Variants in MTMR8 observed in about 807,000 individuals in gnomAD.
MTMR8 encodes the protein phosphatidylinositol-3,5-bisphosphate 3-phosphatase MTMR8.
In MTMR8, 65 loss-of-function variants were observed where a neutral mutation model predicts 39.3. That is an observed-to-expected ratio of 1.65 (90% CI 1.35 to 2.03). The LOEUF is 2.03. Ranked by LOEUF, MTMR8 falls within the 30% of genes most tolerant of loss-of-function variation. The probability of loss-of-function intolerance (pLI) is 0.00; values close to 1 mark genes in which losing one functional copy is unlikely to be tolerated. For synonymous variants in MTMR8, 245 were observed against 185.2 expected (o/e 1.32, Z -2.62); for missense variants, 777 against 538.9 (o/e 1.44, Z -4.37).
chrX:64,333,630 C>T (rs1201503653), intron 10 of MTMR8, among the ~76,000 whole-genome samples: 1 of 111,578 alleles, frequency 9.0e-6, no homozygotes, highest in Non-Finnish European at 1.9e-5. Flanking sequence ...AAATACACTT[C>T]CTCAGACCCA....
intron 1 of MTMR8, among the ~76,000 whole-genome samples, chrX:64,393,507 G>C: frequency 8.9e-6 from 1 of 111,936 alleles, no homozygotes; most frequent in South Asian, 3.8e-4. Context: ...ATCTTCCCCA[G>C]TTGTCAAAAG....
intron 12 of MTMR8, among the ~76,000 whole-genome samples, chrX:64,280,379 C>T (rs1430437339): frequency 8.9e-6 from 1 of 111,898 alleles, no homozygotes; most frequent in Non-Finnish European, 1.9e-5. Flanking sequence ...CTCTGGGAGG[C>T]AAGGCTGGTT....
At chrX:64,362,788 T>C (rs1249266502) in intron 1 of MTMR8, among the ~76,000 whole-genome samples, 1 of 110,696 alleles carries the variant, frequency 9.0e-6, no homozygotes, top group Non-Finnish European at 1.9e-5. Context: ...AGGGAAAGAC[T>C]TTTTAAAAAT....
intron 12 of MTMR8, among the ~76,000 whole-genome samples, chrX:64,285,760 A>T (rs1320692465): frequency 8.9e-6 from 1 of 111,766 alleles, no homozygotes; most frequent in African/African-American, 3.3e-5. Context: ...AGAAATGAAG[A>T]TGTTCTTTGA....
intron 12 of MTMR8, among the ~76,000 whole-genome samples, chrX:64,296,540 C>A (rs1921591387): frequency 9.3e-6 from 1 of 107,619 alleles, no homozygotes; most frequent in African/African-American, 3.4e-5. Context: ...ATAAATGAAC[C>A]ACAGATAGCC....
chrX:64,358,460 C>T (rs1923684709), intron 2 of MTMR8, among the ~76,000 whole-genome samples: 1 of 112,130 alleles, frequency 8.9e-6, no homozygotes, highest in Non-Finnish European at 1.9e-5. Flanking sequence ...CACTTATAAA[C>T]ATTCACTTTA....
At chrX:64,273,288 T>C (rs1931801297) in intron 12 of MTMR8, among the ~76,000 whole-genome samples, 1 of 110,300 alleles carries the variant, frequency 9.1e-6, no homozygotes, top group Admixed American at 9.7e-5. Flanking sequence ...AACTTTGACA[T>C]GAATAACATA....
intron 1 of MTMR8, among the ~76,000 whole-genome samples, chrX:64,377,383 G>A (rs917567790): frequency 8.9e-6 from 1 of 112,575 alleles, no homozygotes; most frequent in South Asian, 3.6e-4. Flanking sequence ...CAAGAGGGCT[G>A]TACCCTGCAG....
intron 1 of MTMR8, among the ~76,000 whole-genome samples, chrX:64,377,242 C>T (rs913773382): frequency 1.5e-4 from 17 of 112,067 alleles, no homozygotes; most frequent in African/African-American, 4.9e-4. Context: ...TGGGGCACTG[C>T]CTAGTGGAGC....
In MTMR8 at chrX:64,300,464, G is replaced by A. The variant is rs1230024625; in HGVS notation, c.1481+28308C>T. On this transcript the variant is annotated intron_variant, in intron 12 of 13. Transcript: ENST00000374852. ...CTCCATCCTTTTATTTTGAGCCTAT[G>A]TGTGTCTCTGCACATGAGATGGGTT... Among the ~76,000 whole-genome samples, 6 of 110,497 alleles carry A rather than the reference G, an allele frequency of 5.4e-5. No homozygotes were observed. The East Asian group carries it at 8.5e-4, about 16-fold the overall frequency.
chrX:64,268,265 A>G lies in MTMR8; in HGVS notation c.*272T>C, dbSNP rs1206612836. The G allele has an allele frequency of 3.0e-6, 1 of 333,363 alleles. No homozygotes were observed. Among genetic ancestry groups the G allele is most frequent in the Non-Finnish European group, 5.2e-6 (1 of 193,969 alleles). 27.5% of individuals were successfully genotyped at this position (333,363 alleles called of 1,213,427 possible). A position where few individuals can be genotyped will look rare whatever the true frequency, so the allele number is the denominator to read the frequency against. On this transcript the variant is annotated 3_prime_UTR_variant, in exon 14 of 14. Coordinates refer to ENST00000374852, the MANE Select transcript of MTMR8 (RefSeq NM_017677.4). ...GGAAAACAGACAGTAGAACCAGCTT[A>G]ATATGTGTCTCAGCTGAGAGGCAAC...
intron 3 of MTMR8, 87 bp from the exon 4 acceptor site, chrX:64,355,021 T>TAGGAAAAGGAA: frequency 2.3e-6 from 2 of 857,480 alleles, no homozygotes; most frequent in Non-Finnish European, 3.2e-6. Context: ...TAGATTTCCT[T>TAGGAAAAGGAA]TTCCTAAGGG....
At chrX:64,358,770 T>C (rs1923694474) in intron 2 of MTMR8, among the ~76,000 whole-genome samples, 1 of 109,955 alleles carries the variant, frequency 9.1e-6, no homozygotes, top group African/African-American at 3.3e-5. Flanking sequence ...CATAAAGTAA[T>C]GTTGGGGTGC....
At chrX:64,297,930 C>T (rs1450362239) in intron 12 of MTMR8, among the ~76,000 whole-genome samples, 1 of 97,453 alleles carries the variant, frequency 1.0e-5, no homozygotes, top group African/African-American at 3.8e-5. Context: ...TGTTCTGTTC[C>T]ATTGATCTAT....
At position 64,328,787 on chromosome X, in the gene MTMR8, A is replaced by G. The variant is rs539187460; in HGVS notation, c.1466T>C (p.Val489Ala). 3 of 1,171,490 alleles carry G rather than the reference A, an allele frequency of 2.6e-6. No homozygotes were observed. The highest frequency in any genetic ancestry group is 4.1e-5 in the South Asian group (2 of 49,312). ...TMYGVLNPST[V>A]PYNIQFWCGM... ...AAGAACTTACTGAATGTTGTAGGGC[A>G]CAGTACTAGGATTGAGTACCCCATA... The change falls in exon 12 of 14, where the codon GTG becomes GCG. Residue 489 changes from valine to alanine, a missense_variant. Val to Ala is a moderately conservative substitution (Grantham distance 64). Coordinates refer to ENST00000374852, the MANE Select transcript of MTMR8 (RefSeq NM_017677.4).
chrX:64,391,204 A>G (rs1296951305), intron 1 of MTMR8, among the ~76,000 whole-genome samples: 2 of 112,382 alleles, frequency 1.8e-5, no homozygotes, highest in African/African-American at 3.2e-5. Flanking sequence ...AGTCCTTTAC[A>G]ATCTATAAAA....
chrX:64,368,108 G>T (rs1924027025), intron 1 of MTMR8, among the ~76,000 whole-genome samples: 1 of 111,409 alleles, frequency 9.0e-6, no homozygotes, highest in South Asian at 3.7e-4. Flanking sequence ...AATAAAAGAG[G>T]ACACAAACAA....
chrX:64,302,513 A>C (rs1036249888), intron 12 of MTMR8, among the ~76,000 whole-genome samples: 2 of 111,763 alleles, frequency 1.8e-5, no homozygotes, highest in Non-Finnish European at 3.8e-5. Context: ...GAAATGCAGA[A>C]ATCACCCGTC....
At chrX:64,301,885 AG>A (rs1442538795) in intron 12 of MTMR8, among the ~76,000 whole-genome samples, 2 of 111,827 alleles carry the variant, frequency 1.8e-5, no homozygotes, top group Non-Finnish European at 3.8e-5. Context: ...CTTGGGGGTC[AG>A]GGGTCAGGGA....
Sources: allele counts gnomAD v4.1 joint callset (sites outside exome capture counted in the v4.1 genomes callset), GRCh38; gene constraint gnomAD v4.1.1; transcripts MANE v1.5; gene names NCBI Gene and HGNC (gene_info 2026-07-23, HGNC 2026-07-21).